The following GALNT18 variants were observed in gnomAD, a reference collection of about 807,000 sequenced individuals.
GALNT18 encodes polypeptide N-acetylgalactosaminyltransferase 18.
Under a neutral mutation model 69.5 loss-of-function variants are expected in GALNT18, and 44 were observed. That is an observed-to-expected ratio of 0.63 (90% CI 0.50 to 0.81). The LOEUF (loss-of-function observed/expected upper bound fraction) is 0.81. Among genes scored for constraint, GALNT18 ranks in the 40% least tolerant of loss-of-function variants. GALNT18 has a pLI of 0.00. For missense variants in GALNT18, 715 were observed against 810.0 expected (o/e 0.88, Z 1.42); for synonymous variants, 364 against 318.2 (o/e 1.14, Z -1.53).
At chr11:11,589,241 G>T (rs546225762) in intron 1 of GALNT18, among the ~76,000 whole-genome samples, 1 of 152,294 alleles carries the variant, frequency 6.6e-6, no homozygotes, top group African/African-American at 2.4e-5. Flanking sequence ...GTGAGGAAGT[G>T]GGGGGAGAAG....
Position 11,379,511 on chromosome 11 carries a change from C to A in GALNT18, c.596-247G>T, listed in dbSNP as rs576960017. Among the ~76,000 whole-genome samples the A allele has an allele frequency of 1.8e-3, 271 of 152,318 alleles. 1 individual carries two copies. The highest frequency in any genetic ancestry group is 3.1e-3 in the Non-Finnish European group (213 of 68,022). ...CCAGCAATGCACAGGGTCATATACA[C>A]CACAAACAAGGTCTATTTAATCTTC... On this transcript the variant is annotated intron_variant, in intron 3 of 10. Transcript: ENST00000227756.
At chr11:11,525,983 A>G (rs34724822) in intron 1 of GALNT18, among the ~76,000 whole-genome samples, 20,431 of 152,156 alleles carry the variant, frequency 0.13, 1,774 homozygotes, top group Middle Eastern at 0.19. Context: ...GGGGGTGACC[A>G]GTTGGCAATT....
intron 10 of GALNT18, among the ~76,000 whole-genome samples, chr11:11,288,338 G>GCC (rs532607628): frequency 2.4e-4 from 36 of 152,220 alleles, no homozygotes; most frequent in African/African-American, 7.9e-4. Flanking sequence ...GCCCAAGTGA[G>GCC]CCTCTACTTG....
At chr11:11,272,225 A>C (rs1055426751) in intron 10 of GALNT18, among the ~76,000 whole-genome samples, 2 of 152,162 alleles carry the variant, frequency 1.3e-5, no homozygotes, top group Admixed American at 6.5e-5. Flanking sequence ...GGACATTTTC[A>C]TTTATCTATC....
intron 6 of GALNT18, among the ~76,000 whole-genome samples, chr11:11,351,642 C>T (rs1247192737): frequency 6.6e-6 from 1 of 152,200 alleles, no homozygotes; most frequent in Non-Finnish European, 1.5e-5. Context: ...GACACCTGCG[C>T]TATCTACTGT....
Position 11,382,172 on chromosome 11 carries a change from A to G in GALNT18, c.596-2908T>C, listed in dbSNP as rs1032772933. 7.9e-5 allele frequency among the ~76,000 whole-genome samples: 12 copies of G among 152,220 alleles called. No individual in the cohort carries two copies. The highest frequency in any genetic ancestry group is 4.6e-4 in the Admixed American group (7 of 15,292). The stretch of plus-strand genomic sequence containing the variant: ...CCATCCCCAGTTAGTTGCATCCCAA[A>G]CATGTGCTGCTGATTAGAAGAGGGA... On this transcript the variant is annotated intron_variant, in intron 3 of 10. Transcript: ENST00000227756. This position sits in a 1 kb window ranked among gnomAD's most constrained non-coding sequence, Gnocchi z 4.3.
At chr11:11,335,709 A>G (rs1248977367) in intron 7 of GALNT18, among the ~76,000 whole-genome samples, 1 of 152,206 alleles carries the variant, frequency 6.6e-6, no homozygotes, top group African/African-American at 2.4e-5. Context: ...AATGACTGAT[A>G]TCTTTATAAG....
rs147379894 is a variant in GALNT18, at chr11:11,560,392, T to C, written c.235+60967A>G. Among the ~76,000 whole-genome samples, 247 of 152,256 alleles carry C rather than the reference T, an allele frequency of 1.6e-3. 1 individual carries two copies. Among genetic ancestry groups the C allele is most frequent in the Middle Eastern group, 6.8e-3 (2 of 294 alleles). On this transcript the variant is annotated intron_variant, in intron 1 of 10. Transcript: ENST00000227756. ...GTGACAAAATCTCTTCAAATCACAA[T>C]AGAGACACTTGCTCAAAGCAGATTC...
intron 2 of GALNT18, 59 bp downstream of exon 2, chr11:11,448,685 T>G (rs1156973404): frequency 1.4e-6 from 2 of 1,457,594 alleles, no homozygotes; most frequent in Non-Finnish European, 1.9e-6. Flanking sequence ...CCCAGCACTC[T>G]GGGGACCCCA....
chr11:11,585,356 T>TC (rs966509571), intron 1 of GALNT18, among the ~76,000 whole-genome samples: 22 of 147,666 alleles, frequency 1.5e-4, no homozygotes, highest in Non-Finnish European at 3.0e-4. Context: ...AGAAAAATCT[T>TC]TTTTTTTTTT....
Position 11,562,277 on chromosome 11 carries a change from G to A in GALNT18, c.235+59082C>T, listed in dbSNP as rs1858529250. On this transcript the variant is annotated intron_variant, in intron 1 of 10. Coordinates refer to ENST00000227756, the MANE Select transcript of GALNT18 (RefSeq NM_198516.3). The surrounding 1 kb of genome is among the most constrained non-coding windows in gnomAD (Gnocchi z 4.1). ...TTGGCTTCTGGCTGGCTGTCTTCTT[G>A]TGTCTCTTCACTTCATATGCCCCTA... 6.6e-6 allele frequency among the ~76,000 whole-genome samples: 1 copy of A among 152,140 alleles called. No individual in the cohort carries two copies. The highest frequency in any genetic ancestry group is 2.1e-4 in the South Asian group (1 of 4,824).
chr11:11,478,699 G>T lies in GALNT18; in HGVS notation c.236-29763C>A, dbSNP rs544109149. Among the ~76,000 whole-genome samples the T allele has an allele frequency of 2.6e-5, 4 of 152,322 alleles. No individual in the cohort carries two copies. In the East Asian group the frequency reaches 7.7e-4, roughly 29 times the overall value. On this transcript the variant is annotated intron_variant, in intron 1 of 10. Coordinates refer to ENST00000227756, the MANE Select transcript of GALNT18 (RefSeq NM_198516.3). Reference sequence around the variant, plus strand: ...TATTAATATGACTGTGTCTGGGGTTGGCCTGTTTGACCTCATTTCCATTCC... The same window carrying T: ...TATTAATATGACTGTGTCTGGGGTTTGCCTGTTTGACCTCATTTCCATTCC...
chr11:11,354,845 T>A (rs936586283), intron 6 of GALNT18, among the ~76,000 whole-genome samples: 2 of 152,144 alleles, frequency 1.3e-5, no homozygotes, highest in African/African-American at 2.4e-5. Context: ...TGCCTCCCCA[T>A]CTGTCCCTTA....
At chr11:11,328,524 G>A (rs1849964814) in intron 8 of GALNT18, among the ~76,000 whole-genome samples, 1 of 152,208 alleles carries the variant, frequency 6.6e-6, no homozygotes, top group Admixed American at 6.5e-5. Flanking sequence ...AGGCCCACGT[G>A]TGCTCCATGC....
At chr11:11,342,481 T>C (rs965971187) in intron 6 of GALNT18, among the ~76,000 whole-genome samples, 3 of 152,216 alleles carry the variant, frequency 2.0e-5, no homozygotes, top group African/African-American at 7.2e-5. Context: ...TTTAGCTTGT[T>C]TTCCCTGTGT....
intron 3 of GALNT18, among the ~76,000 whole-genome samples, chr11:11,428,308 C>A (rs1255049411): frequency 6.6e-6 from 1 of 152,366 alleles, no homozygotes; most frequent in Admixed American, 6.5e-5. Flanking sequence ...AGTGTCTCTT[C>A]TTCCCCTTTT....
At chr11:11,440,879 G>T (rs941385318) in intron 2 of GALNT18, among the ~76,000 whole-genome samples, 5 of 152,184 alleles carry the variant, frequency 3.3e-5, no homozygotes, top group Admixed American at 6.5e-5. Flanking sequence ...CTAATTTACA[G>T]ATAGGAAAAC....
At chr11:11,343,356 TAAAA>T (rs553693429) in intron 6 of GALNT18, among the ~76,000 whole-genome samples, 1 of 150,660 alleles carries the variant, frequency 6.6e-6, no homozygotes, top group Admixed American at 6.6e-5. Context: ...TCTCAAAAAA[TAAAA>T]AAAATAAAAA....
At chr11:11,560,135 A>G (rs114874086) in intron 1 of GALNT18, among the ~76,000 whole-genome samples, 590 of 2,942 alleles carry the variant, frequency 0.2, 24 homozygotes, top group Middle Eastern at 0.29. Flanking sequence ...GGGATGGGAT[A>G]GAATAGAATG....
Sources: allele counts gnomAD v4.1 joint callset (sites outside exome capture counted in the v4.1 genomes callset), GRCh38; gene constraint gnomAD v4.1.1; non-coding constraint Gnocchi (gnomAD v3.1); transcripts MANE v1.5; gene names NCBI Gene and HGNC (gene_info 2026-07-23, HGNC 2026-07-21).